Variants in FBXO16 observed in about 807,000 individuals in gnomAD.
The protein encoded by FBXO16 is F-box protein 16.
In FBXO16, 31 loss-of-function variants were observed where a neutral mutation model predicts 41.0. That is an observed-to-expected ratio of 0.76 (90% CI 0.57 to 1.02). The LOEUF is 1.02. Ranked by LOEUF, FBXO16 falls within the 50% of genes least tolerant of loss-of-function variation. The pLI is 0.00. For missense variants in FBXO16, 361 were observed against 346.2 expected (o/e 1.04, Z -0.34); for synonymous variants, 133 against 117.8 (o/e 1.13, Z -0.84).
chr8:28,460,246 T>TATATATATATATATATATATATATA (rs58128827), intron 4 of FBXO16, among the ~76,000 whole-genome samples: 1 of 66,728 alleles, frequency 1.5e-5, no homozygotes, highest in African/African-American at 7.9e-5. Context: ...TATATATATA[T>TATATATATATATATATATATATATA]TTTTTTTTTT....
In FBXO16 at chr8:28,452,412, T is replaced by C. The variant is rs1304760784; in HGVS notation, c.572A>G (p.Glu191Gly). The C allele has an allele frequency of 6.2e-7, 1 of 1,614,230 alleles. No individual in the cohort carries two copies. The highest frequency in any genetic ancestry group is 1.1e-5 in the South Asian group (1 of 91,086). The change falls in exon 6 of 9, where the codon GAA becomes GGA. Residue 191 changes from glutamate to glycine, a missense_variant. Transcript: ENST00000380254. ...AAAAGCTGATAAAGGGGACTGTTTT[T>C]CCTCTGGAGAATTGCTTGTAACTAG... ...VQLVTSNSPEEKQSPLSAFRS... is the reference protein window; with the variant it reads ...VQLVTSNSPEGKQSPLSAFRS...
At position 28,435,725 on chromosome 8, in the gene FBXO16, A is replaced by G. The variant is rs141339286; in HGVS notation, c.844-6322T>C. On this transcript the variant is annotated intron_variant, in intron 7 of 8. Coordinates refer to ENST00000380254, the MANE Select transcript of FBXO16 (RefSeq NM_172366.4). ...AAACCGATTAGGAAAGGGTAGGTAC[A>G]TGTAAAATAGGTGAAGGGTGGGGAT... is the stretch of plus-strand genomic sequence containing the variant. Among the ~76,000 whole-genome samples, 717 of 152,274 alleles carry G rather than the reference A, an allele frequency of 4.7e-3. 7 individuals are homozygous for G. Among genetic ancestry groups the G allele is most frequent in the Non-Finnish European group, 7.1e-3 (482 of 68,000 alleles).
chr8:28,488,798 C>T (rs983147920), intron 1 of FBXO16, among the ~76,000 whole-genome samples: 1 of 152,110 alleles, frequency 6.6e-6, no homozygotes, highest in African/African-American at 2.4e-5. Context: ...CTACAGGATC[C>T]AGACTTCCTC....
chr8:28,482,872 C>T (rs1438342864), intron 2 of FBXO16, among the ~76,000 whole-genome samples: 1 of 152,094 alleles, frequency 6.6e-6, no homozygotes, highest in Admixed American at 6.5e-5. Context: ...AGCCACCGCA[C>T]CCAGCCATGA....
intron 5 of FBXO16, among the ~76,000 whole-genome samples, chr8:28,453,576 AG>A (rs1435717624): frequency 1.3e-4 from 20 of 151,910 alleles, no homozygotes. Context: ...GAAGCCATTA[AG>A]GGCTTAATTT....
intron 7 of FBXO16, among the ~76,000 whole-genome samples, chr8:28,444,634 C>T (rs1217117117): frequency 2.7e-5 from 4 of 150,218 alleles, no homozygotes; most frequent in Admixed American, 2.0e-4. Flanking sequence ...CCCGCCACTT[C>T]GCCGAGCTAA....
At position 28,467,107 on chromosome 8, in the gene FBXO16, T is replaced by C. The variant is rs1332343818; in HGVS notation, c.136-3289A>G. ...GCTACCACATCTGGCCTGGAATTCA[T>C]TCTAAAATTACTTTTGGGCAGTGCT... is the stretch of plus-strand genomic sequence containing the variant. On this transcript the variant is annotated intron_variant, in intron 3 of 8. Coordinates refer to ENST00000380254, the MANE Select transcript of FBXO16 (RefSeq NM_172366.4). Among the ~76,000 whole-genome samples, 7 of 152,126 alleles carry C rather than the reference T, an allele frequency of 4.6e-5. No individual in the cohort carries two copies. The East Asian group carries it at 9.6e-4, about 21-fold the overall frequency.
Position 28,428,728 on chromosome 8 carries a change from T to G in FBXO16, c.878A>C (p.Ter293SerextTer6), listed in dbSNP as rs1162927508. 5 of 1,547,260 alleles carry G rather than the reference T, an allele frequency of 3.2e-6. No homozygotes were observed. Among genetic ancestry groups the G allele is most frequent in the Non-Finnish European group, 3.5e-6 (4 of 1,150,912 alleles). The change falls in exon 9 of 9, where the codon TAA becomes TCA. Residue 293 changes from the stop codon to serine (S), a stop_lost. Transcript: ENST00000380254. ...GAACTTTTAGGGGAGAGCTGGCACT[T>G]AGGGACATCTAGAAAGGAAAAAGGA... is the stretch of plus-strand genomic sequence containing the variant. Reference protein sequence around the residue: ...SRRNPFPLCP* With the variant: ...SRRNPFPLCPS
intron 6 of FBXO16, among the ~76,000 whole-genome samples, chr8:28,451,986 C>A (rs955872183): frequency 4.8e-5 from 6 of 125,436 alleles, no homozygotes; most frequent in African/African-American, 1.3e-4. Context: ...AGACTCCAGA[C>A]TACGTCTCAA....
Position 28,452,499 on chromosome 8 carries a change from G to A in FBXO16, c.508-23C>T, listed in dbSNP as rs750514213. On this transcript the variant is annotated intron_variant, in intron 5 of 8. Coordinates refer to ENST00000380254, the MANE Select transcript of FBXO16 (RefSeq NM_172366.4). ...TGTCTAGAAGAAGAAAGTTAATTAT[G>A]TTCTCAAAACACTATAATACGCTGG... The A allele has an allele frequency of 3.7e-6, 6 of 1,609,580 alleles. No homozygotes were observed. The South Asian group carries it at 5.5e-5, about 15-fold the overall frequency.
intron 6 of FBXO16, chr8:28,449,033 T>G (rs1159009896): frequency 2.0e-5 from 3 of 152,172 alleles, no homozygotes; most frequent in East Asian, 3.8e-4. Context: ...AGAAATGATG[T>G]GCGTTGTGAC....
At chr8:28,460,445 T>TTTTTTTTG (rs371229894) in intron 4 of FBXO16, among the ~76,000 whole-genome samples, 3 of 135,586 alleles carry the variant, frequency 2.2e-5, no homozygotes, top group African/African-American at 9.3e-5. Context: ...TTTTTTTTTT[T>TTTTTTTTG]GAGACAGCGT....
In FBXO16 at chr8:28,452,261, C is replaced by A; in HGVS notation, c.723G>T (p.Met241Ile). The A allele has an allele frequency of 6.2e-7, 1 of 1,614,128 alleles. No individual in the cohort carries two copies. Among genetic ancestry groups the A allele is most frequent in the South Asian group, 1.1e-5 (1 of 91,080 alleles). ...CTTCTTACCCTTGCTGGACAGTCTC[C>A]ATGGGGTCACGGTTGTCTAGGTAAT... is the stretch of plus-strand genomic sequence containing the variant. ...RFNYLDNRDP[M>I]ETVQQGRRKR... Residue 241 changes from methionine to isoleucine, a missense_variant, in exon 6 of 9, where the codon ATG becomes ATT. By Grantham distance (10) the Met-to-Ile change is conservative. Transcript: ENST00000380254.
At chr8:28,477,867 C>T (rs1051515467) in intron 2 of FBXO16, among the ~76,000 whole-genome samples, 12 of 152,054 alleles carry the variant, frequency 7.9e-5, no homozygotes, top group Non-Finnish European at 1.6e-4. Context: ...AACAAATTAG[C>T]CGGGCATGGT....
intron 3 of FBXO16, among the ~76,000 whole-genome samples, chr8:28,467,879 T>C (rs895026009): frequency 2.6e-5 from 4 of 152,192 alleles, no homozygotes; most frequent in African/African-American, 9.7e-5. Flanking sequence ...TGTTTGGCTT[T>C]GATAGGTGTT....
rs548891047 is a variant in FBXO16, at chr8:28,431,859, A to T, written c.844-2456T>A. On this transcript the variant is annotated intron_variant, in intron 7 of 8. Transcript: ENST00000380254. ...AGGTTACTTTTCTACATAGCTCAAT[A>T]TTCAAAAATTACAAAAGCATTCAGC... Among the ~76,000 whole-genome samples, 7 of 152,252 alleles carry T rather than the reference A, an allele frequency of 4.6e-5. No homozygotes were observed. The South Asian group carries it at 1.5e-3, about 32-fold the overall frequency.
At chr8:28,449,746 T>C (rs1802922293) in intron 6 of FBXO16, among the ~76,000 whole-genome samples, 1 of 151,520 alleles carries the variant, frequency 6.6e-6, no homozygotes, top group Admixed American at 6.6e-5. Context: ...GGCTGAGGTG[T>C]GAGGATCATG....
chr8:28,440,692 G>A (rs1316325432), intron 7 of FBXO16, among the ~76,000 whole-genome samples: 1 of 152,210 alleles, frequency 6.6e-6, no homozygotes, highest in East Asian at 1.9e-4. Flanking sequence ...GCTGGAATTA[G>A]CAGAGCACAG....
At chr8:28,473,870 G>C in intron 2 of FBXO16, 63 bp from the exon 3 acceptor site, 1 of 1,221,784 alleles carries the variant, frequency 8.2e-7, no homozygotes, top group South Asian at 1.3e-5. Flanking sequence ...CCCATTACAA[G>C]AAAGATACCA....
Sources: allele counts gnomAD v4.1 joint callset (sites outside exome capture counted in the v4.1 genomes callset), GRCh38; gene constraint gnomAD v4.1.1; transcripts MANE v1.5; gene names NCBI Gene and HGNC (gene_info 2026-07-23, HGNC 2026-07-21).